Variants in VPS13B observed in about 807,000 individuals in gnomAD.
The protein encoded by VPS13B is vacuolar protein sorting 13 homolog B.
A neutral mutation model predicts 426.4 loss-of-function variants in VPS13B; 285 were observed. That is an observed-to-expected ratio of 0.67 (90% CI 0.61 to 0.74). The LOEUF is 0.74. Ranked by LOEUF, VPS13B falls within the 30% of genes least tolerant of loss-of-function variation. VPS13B has a pLI of 0.00. For synonymous variants in VPS13B, 1,676 were observed against 1,676.4 expected, an observed-to-expected ratio of 1.00 and a Z score of 0.01; for missense variants, 4,537 against 4,782.6, an observed-to-expected ratio of 0.95 and a Z score of 1.51.
At position 99,216,916 on chromosome 8, in the gene VPS13B, G is replaced by A. The variant is rs1815420962; in HGVS notation, c.2515+23859G>A. Among the ~76,000 whole-genome samples, 3 of 152,102 alleles carry A rather than the reference G, an allele frequency of 2.0e-5. No homozygotes were observed. The South Asian group carries it at 6.2e-4, about 32-fold the overall frequency. ...AGACAGTACTTGCTCGGAAAGTGAGGCGTTGATGTTTTACCTTAGTGTGTG... is the reference window on the plus strand; with the variant it reads ...AGACAGTACTTGCTCGGAAAGTGAGACGTTGATGTTTTACCTTAGTGTGTG... On this transcript the variant is annotated intron_variant, in intron 17 of 61. Coordinates refer to ENST00000357162, the MANE Select transcript of VPS13B (RefSeq NM_152564.5).
intron 44 of VPS13B, among the ~76,000 whole-genome samples, chr8:99,816,921 T>C (rs148687413): frequency 3.0e-4 from 45 of 152,320 alleles, no homozygotes; most frequent in African/African-American, 9.9e-4. Context: ...AATAAACCCT[T>C]GAAAATCAAC....
intron 2 of VPS13B, among the ~76,000 whole-genome samples, chr8:99,037,302 G>T (rs571042952): frequency 1.3e-5 from 2 of 151,494 alleles, no homozygotes; most frequent in African/African-American, 4.8e-5. Flanking sequence ...AACAAATTAG[G>T]CCCACACTTT....
At chr8:99,425,831 G>A (rs1023807728) in intron 21 of VPS13B, among the ~76,000 whole-genome samples, 1 of 152,194 alleles carries the variant, frequency 6.6e-6, no homozygotes, top group Non-Finnish European at 1.5e-5. Flanking sequence ...ATCTCCTTAA[G>A]CTGATAGGCA....
At chr8:99,542,658 GC>G (rs2133730795) in intron 30 of VPS13B, among the ~76,000 whole-genome samples, 1 of 152,218 alleles carries the variant, frequency 6.6e-6, no homozygotes, top group East Asian at 1.9e-4. Context: ...TGGATGGAGA[GC>G]CCTTAAGTAT....
intron 33 of VPS13B, among the ~76,000 whole-genome samples, chr8:99,612,312 T>TA (rs1302046724): frequency 1.3e-5 from 2 of 152,070 alleles, no homozygotes; most frequent in Non-Finnish European, 2.9e-5. Context: ...GTTGTGAGAA[T>TA]AAAAAAGAAA....
At chr8:99,516,504 G>A (rs1035247226) in intron 29 of VPS13B, among the ~76,000 whole-genome samples, 2 of 151,986 alleles carry the variant, frequency 1.3e-5, no homozygotes, top group African/African-American at 4.8e-5. Flanking sequence ...AATTAAAAAT[G>A]TAGGCCAGGC....
chr8:99,073,321 G>A (rs1844935863), intron 3 of VPS13B, among the ~76,000 whole-genome samples: 1 of 152,218 alleles, frequency 6.6e-6, no homozygotes, highest in African/African-American at 2.4e-5. Context: ...GCTTTGGGCA[G>A]TATGGCCATT....
At chr8:99,686,076 C>T (rs1831386245) in intron 35 of VPS13B, among the ~76,000 whole-genome samples, 1 of 152,188 alleles carries the variant, frequency 6.6e-6, no homozygotes, top group African/African-American at 2.4e-5. Flanking sequence ...TTAGGGGGCA[C>T]CCAAAGCCCA....
chr8:99,345,417 A>T (rs949888999), intron 19 of VPS13B, among the ~76,000 whole-genome samples: 1 of 152,200 alleles, frequency 6.6e-6, no homozygotes, highest in East Asian at 1.9e-4. Context: ...CAACTGCTGA[A>T]TTCTGTCATT....
chr8:99,762,471 T>A (rs1284355376), intron 39 of VPS13B, among the ~76,000 whole-genome samples: 1 of 152,206 alleles, frequency 6.6e-6, no homozygotes, highest in African/African-American at 2.4e-5. Flanking sequence ...TATTCCTTTA[T>A]CTCTGAAGTC....
chr8:99,050,173 A>G (rs1843453870), intron 3 of VPS13B, among the ~76,000 whole-genome samples: 1 of 151,706 alleles, frequency 6.6e-6, no homozygotes, highest in Admixed American at 6.6e-5. Context: ...TCCTAATGCT[A>G]TCGCTCCCCC....
At chr8:99,518,075 T>C (rs1345962304) in intron 29 of VPS13B, among the ~76,000 whole-genome samples, 5 of 152,140 alleles carry the variant, frequency 3.3e-5, no homozygotes, top group Admixed American at 6.6e-5. Flanking sequence ...AGAACACTTT[T>C]GGCCCTAACA....
intron 39 of VPS13B, among the ~76,000 whole-genome samples, chr8:99,745,908 A>G (rs1810059878): frequency 6.6e-6 from 1 of 152,000 alleles, no homozygotes; most frequent in Admixed American, 6.6e-5. Flanking sequence ...ATTATACTCT[A>G]TCTATATTTT....
chr8:99,190,426 T>C (rs1042775720), intron 16 of VPS13B, among the ~76,000 whole-genome samples: 1 of 152,092 alleles, frequency 6.6e-6, no homozygotes, highest in African/African-American at 2.4e-5. Context: ...ATTTTGGGGT[T>C]TAGTTCTAGT....
chr8:99,378,631 T>A (rs182420366), intron 19 of VPS13B, among the ~76,000 whole-genome samples: 3 of 152,236 alleles, frequency 2.0e-5, no homozygotes, highest in Non-Finnish European at 2.9e-5. Context: ...CAATTTATGT[T>A]CTTCCATCAG....
In VPS13B at chr8:99,115,747, A is replaced by G. The variant is rs1169945660; in HGVS notation, c.810A>G (p.Gln270=). Residue 270 remains glutamine (Q), a synonymous_variant, in exon 7 of 62, where the codon CAA becomes CAG. Coordinates refer to ENST00000357162, the MANE Select transcript of VPS13B (RefSeq NM_152564.5). ...ESLKLSITDQ[Q]LPMFIRIMQL... is the part of the protein sequence containing the mutation. ...TGAAACTTTCTATCACAGATCAACAACTGCCTATGTTTATTCGTATAATGC... is the reference window on the plus strand; with the variant it reads ...TGAAACTTTCTATCACAGATCAACAGCTGCCTATGTTTATTCGTATAATGC... 2.5e-6 allele frequency: 4 copies of G among 1,613,292 alleles called. No individual in the cohort carries two copies. The highest frequency in any genetic ancestry group is 2.2e-5 in the South Asian group (2 of 90,856).
At chr8:99,322,748 T>G (rs191983393) in intron 19 of VPS13B, among the ~76,000 whole-genome samples, 1 of 152,308 alleles carries the variant, frequency 6.6e-6, no homozygotes, top group Admixed American at 6.5e-5. Context: ...GTATCTGCAT[T>G]TGTAAAGGAA....
At chr8:99,402,635 C>T (rs1377835382) in intron 21 of VPS13B, among the ~76,000 whole-genome samples, 1 of 152,008 alleles carries the variant, frequency 6.6e-6, no homozygotes, top group Non-Finnish European at 1.5e-5. Flanking sequence ...GTCTTTCCTC[C>T]TTCTGATCAG....
chr8:99,089,800 G>A (rs1483210806), intron 3 of VPS13B, among the ~76,000 whole-genome samples: 2 of 151,952 alleles, frequency 1.3e-5, no homozygotes, highest in Non-Finnish European at 2.9e-5. Flanking sequence ...AAAGGGAAAG[G>A]GATTCTCTAC....
Sources: allele counts gnomAD v4.1 joint callset (sites outside exome capture counted in the v4.1 genomes callset), GRCh38; gene constraint gnomAD v4.1.1; transcripts MANE v1.5; gene names NCBI Gene and HGNC (gene_info 2026-07-23, HGNC 2026-07-21).